KLHL12: variants seen among roughly 807,000 people sequenced by gnomAD.
KLHL12 encodes the protein kelch-like protein 12.
A neutral mutation model predicts 60.8 loss-of-function variants in KLHL12; 17 were observed. The observed-to-expected ratio is 0.28, with a 90% confidence interval of 0.19 to 0.42. KLHL12 has a LOEUF of 0.42. KLHL12 is among the 10% of genes least tolerant of loss of function. The pLI is 1.00. For missense variants in KLHL12, 468 were observed against 722.3 expected (o/e 0.65, Z 4.04); for synonymous variants, 220 against 250.9 (o/e 0.88, Z 1.16).
intron 6 of KLHL12, among the ~76,000 whole-genome samples, chr1:202,905,968 C>CTTTTTTT (rs71142574): frequency 4.6e-4 from 24 of 51,666 alleles, no homozygotes; most frequent in African/African-American, 8.1e-4. Flanking sequence ...CCACACCTGG[C>CTTTTTTT]TTTTTTTTTT....
intron 4 of KLHL12, chr1:202,911,725 T>C (rs1356883006): frequency 1.9e-5 from 12 of 616,416 alleles, no homozygotes; most frequent in Non-Finnish European, 5.8e-6. Flanking sequence ...AACATCACTA[T>C]GTTGCAGTTT....
At chr1:202,898,779 T>C (rs958828819) in intron 6 of KLHL12, among the ~76,000 whole-genome samples, 15 of 152,078 alleles carry the variant, frequency 9.9e-5, no homozygotes, top group African/African-American at 3.4e-4. Flanking sequence ...AAAAGAGACA[T>C]GAAATCACGA....
In KLHL12 at chr1:202,893,128, G is replaced by T; in HGVS notation, c.1580+111C>A. 1.3e-6 allele frequency: 1 copy of T among 774,228 alleles called. No homozygotes were observed. Among genetic ancestry groups the T allele is most frequent in the Non-Finnish European group, 2.1e-6 (1 of 486,214 alleles). The allele number at this position is 774,228 out of a possible 1,614,324, so 48.0% of individuals were successfully genotyped here. The stretch of plus-strand genomic sequence containing the variant: ...TAATAAAAAAAATCAAGTTGCCACT[G>T]GAGATGTCTACCCCTACCCAAGTCT... On this transcript the variant is annotated intron_variant, in intron 11 of 11. Transcript: ENST00000367261. This position sits in a 1 kb window ranked among gnomAD's most constrained non-coding sequence, Gnocchi z 4.1.
chr1:202,896,195 C>CT lies in KLHL12; in HGVS notation c.940-479dup, dbSNP rs939109676. Reference sequence around the variant, plus strand: ...ACATGCTGAGGGAGACAGATACAAACTTTTTTTTTCTGAGTTGGGATCTCA... The same window carrying CT: ...ACATGCTGAGGGAGACAGATACAAACTTTTTTTTTTCTGAGTTGGGATCTCA... On this transcript the variant is annotated intron_variant, in intron 7 of 11. Coordinates refer to ENST00000367261, the MANE Select transcript of KLHL12 (RefSeq NM_021633.4). Among the ~76,000 whole-genome samples, 141 of 151,692 alleles carry CT rather than the reference C, an allele frequency of 9.3e-4. No homozygotes were observed. In the East Asian group the frequency reaches 0.014, roughly 15 times the overall value.
intron 2 of KLHL12, among the ~76,000 whole-genome samples, chr1:202,922,189 T>A (rs1660713438): frequency 6.6e-6 from 1 of 152,188 alleles, no homozygotes; most frequent in African/African-American, 2.4e-5. Flanking sequence ...TTAGAATTTT[T>A]CAGCATGCTT....
At chr1:202,915,508 TTTTCA>T (rs1660497738) in intron 4 of KLHL12, among the ~76,000 whole-genome samples, 1 of 152,186 alleles carries the variant, frequency 6.6e-6, no homozygotes, top group Non-Finnish European at 1.5e-5. Flanking sequence ...CTCAAGCTGT[TTTTCA>T]TTTAAGCTTC....
At chr1:202,903,345 A>G (rs1557989740) in intron 6 of KLHL12, among the ~76,000 whole-genome samples, 1 of 147,820 alleles carries the variant, frequency 6.8e-6, no homozygotes, top group Non-Finnish European at 1.5e-5. Context: ...TTTATAACTA[A>G]TAAGACCCTA....
intron 2 of KLHL12, among the ~76,000 whole-genome samples, chr1:202,923,435 A>AC (rs1194947845): frequency 6.6e-6 from 1 of 152,174 alleles, no homozygotes; most frequent in African/African-American, 2.4e-5. Flanking sequence ...AATTAGCCTG[A>AC]ATTAGTTGGA....
At chr1:202,923,481 T>C (rs1287972527) in intron 2 of KLHL12, among the ~76,000 whole-genome samples, 2 of 152,248 alleles carry the variant, frequency 1.3e-5, no homozygotes, top group East Asian at 3.8e-4. Context: ...CTACTAGCCA[T>C]GTGACTGAGC....
At chr1:202,900,811 C>G (rs1659983403) in intron 6 of KLHL12, among the ~76,000 whole-genome samples, 1 of 151,838 alleles carries the variant, frequency 6.6e-6, no homozygotes, top group African/African-American at 2.4e-5. Context: ...TTGCAGTGAG[C>G]AGAGATCGCA....
At chr1:202,922,798 C>T (rs1340602801) in intron 2 of KLHL12, among the ~76,000 whole-genome samples, 1 of 151,834 alleles carries the variant, frequency 6.6e-6, no homozygotes, top group Non-Finnish European at 1.5e-5. Flanking sequence ...AGATCCAAGA[C>T]TTAACCAGTC....
intron 2 of KLHL12, among the ~76,000 whole-genome samples, chr1:202,921,536 T>G (rs1660698811): frequency 6.6e-6 from 1 of 152,230 alleles, no homozygotes; most frequent in African/African-American, 2.4e-5. Flanking sequence ...GACTTTCTTA[T>G]GTAACATCAT....
chr1:202,895,444 G>A lies in KLHL12; in HGVS notation c.1135+78C>T, dbSNP rs55731233. The A allele has an allele frequency of 2.8e-3, 3,459 of 1,232,434 alleles. 62 individuals carry two copies. The African/African-American group carries it at 0.039, about 14-fold the overall frequency. 76.3% of individuals were successfully genotyped at this position (1,232,434 alleles called of 1,614,324 possible). The stretch of plus-strand genomic sequence containing the variant: ...TTTTTTCTCCGTATTTCATGCTCCT[G>A]CCAGACAACAGGAGAGGTTAAAAAC... On this transcript the variant is annotated intron_variant, in intron 8 of 11. Transcript: ENST00000367261. This position sits in a 1 kb window ranked among gnomAD's most constrained non-coding sequence, Gnocchi z 4.2.
chr1:202,899,782 C>T (rs181122437), intron 6 of KLHL12, among the ~76,000 whole-genome samples: 1 of 150,660 alleles, frequency 6.6e-6, no homozygotes, highest in Admixed American at 6.7e-5. Context: ...GAGATTGCAC[C>T]ACTGCACTCC....
chr1:202,908,227 C>T (rs1175752761), intron 6 of KLHL12, among the ~76,000 whole-genome samples: 2 of 152,160 alleles, frequency 1.3e-5, no homozygotes, highest in African/African-American at 4.8e-5. Flanking sequence ...ATCCTCCCAA[C>T]ACTGAGATAA....
At chr1:202,901,734 G>A (rs1660013323) in intron 6 of KLHL12, among the ~76,000 whole-genome samples, 1 of 152,178 alleles carries the variant, frequency 6.6e-6, no homozygotes, top group African/African-American at 2.4e-5. Flanking sequence ...ACCAAAGTGA[G>A]TTTAAGTAAT....
intron 6 of KLHL12, among the ~76,000 whole-genome samples, chr1:202,906,269 G>A (rs1210094073): frequency 1.1e-4 from 16 of 149,576 alleles, no homozygotes; most frequent in Admixed American, 9.3e-4. Flanking sequence ...CCTGGCCAAC[G>A]TGGTGAAACC....
chr1:202,922,546 G>A (rs1386488757), intron 2 of KLHL12, among the ~76,000 whole-genome samples: 2 of 151,570 alleles, frequency 1.3e-5, no homozygotes, highest in African/African-American at 4.8e-5. Flanking sequence ...GAGTGCAGTG[G>A]CGTGATCTGG....
At chr1:202,925,272 T>C in intron 1 of KLHL12, 65 bp from the exon 2 acceptor site, 1 of 1,505,598 alleles carries the variant, frequency 6.6e-7, no homozygotes. Context: ...CATATTTAAT[T>C]AGCTTTACAA....
Sources: allele counts gnomAD v4.1 joint callset (sites outside exome capture counted in the v4.1 genomes callset), GRCh38; gene constraint gnomAD v4.1.1; non-coding constraint Gnocchi (gnomAD v3.1); transcripts MANE v1.5; gene names NCBI Gene and HGNC (gene_info 2026-07-23, HGNC 2026-07-21).